SUN1: variants seen among roughly 807,000 people sequenced by gnomAD.
SUN1 encodes SUN domain-containing protein 1.
Under a neutral mutation model 103.2 loss-of-function variants are expected in SUN1, and 61 were observed. That is an observed-to-expected ratio of 0.59 (90% CI 0.48 to 0.73). SUN1 has a LOEUF of 0.73. Among genes scored for constraint, SUN1 ranks in the 30% least tolerant of loss-of-function variants. The probability of loss-of-function intolerance (pLI) is 0.00; values close to 1 mark genes in which losing one functional copy is unlikely to be tolerated. For missense variants in SUN1, 1,052 were observed against 1,034.6 expected, an observed-to-expected ratio of 1.02 and a Z score of -0.23; for synonymous variants, 490 against 425.7, an observed-to-expected ratio of 1.15 and a Z score of -1.86.
intron 5 of SUN1, among the ~76,000 whole-genome samples, chr7:845,984 T>C (rs1334911631): frequency 6.6e-6 from 1 of 152,216 alleles, no homozygotes; most frequent in African/African-American, 2.4e-5. Context: ...CCTGCAGGAC[T>C]GTGCAGTTCT....
At chr7:867,761 G>A (rs1838179886) in intron 16 of SUN1, among the ~76,000 whole-genome samples, 1 of 152,212 alleles carries the variant, frequency 6.6e-6, no homozygotes, top group Non-Finnish European at 1.5e-5. Flanking sequence ...TCCCACCCCA[G>A]GACCAAGGTG....
rs529850001 is a variant in SUN1, at chr7:818,679, C to T, written c.-74+2006C>T. On this transcript the variant is annotated intron_variant, in intron 1 of 17. Coordinates refer to the SUN1 transcript ENST00000389574. ...CATTGGCAACAAGTGAGTTCACTTT[C>T]TCCACATCCCCCCAACACTTAGTTT... is the stretch of plus-strand genomic sequence containing the variant. 2.6e-5 allele frequency among the ~76,000 whole-genome samples: 4 copies of T among 152,322 alleles called. No individual in the cohort carries two copies. In the South Asian group the frequency reaches 8.3e-4, roughly 32 times the overall value.
intron 1 of SUN1, among the ~76,000 whole-genome samples, chr7:819,734 A>G (rs1347145607): frequency 7.7e-6 from 1 of 130,658 alleles, no homozygotes; most frequent in South Asian, 2.3e-4. Context: ...TTTGAGATGG[A>G]ATCTTGCCCT....
At chr7:839,027 C>T (rs551648196) in intron 2 of SUN1, 41 bp downstream of exon 2, 4 of 1,469,788 alleles carry the variant, frequency 2.7e-6, no homozygotes, top group Non-Finnish European at 3.6e-6. Context: ...ATCTCTAACA[C>T]CAGTTAAAAC....
chr7:851,082 G>A (rs1458611804), intron 5 of SUN1: 6 of 216,198 alleles, frequency 2.8e-5, no homozygotes, highest in Non-Finnish European at 4.7e-5. Context: ...TTTGTAGGGC[G>A]GCTTCCAACC....
At chr7:816,643 A>T (rs776366465) in exon 1 of SUN1, 3 of 319,760 alleles carry the variant, frequency 9.4e-6, no homozygotes, top group South Asian at 6.7e-5. Flanking sequence ...TGGGCGGCGC[A>T]GACGAGGCCT....
chr7:832,694 C>T lies in SUN1; in HGVS notation c.77+93C>T, dbSNP rs371221487. The T allele has an allele frequency of 1.8e-4, 163 of 897,848 alleles. 3 individuals carry two copies. The East Asian group carries it at 2.5e-3, about 14-fold the overall frequency. 55.6% of individuals were successfully genotyped at this position (897,848 alleles called of 1,614,324 possible). A position where few individuals can be genotyped will look rare whatever the true frequency, so the allele number is the denominator to read the frequency against. The stretch of plus-strand genomic sequence containing the variant: ...CTTAACAGGAACTCCATAGTACTAC[C>T]GACTACATGCTGTATTTTGAAGGTG... On this transcript the variant is annotated intron_variant, in intron 1 of 18. Transcript: ENST00000401592.
chr7:847,491 C>T, intron 5 of SUN1, among the ~76,000 whole-genome samples: 1 of 106,088 alleles, frequency 9.4e-6, no homozygotes, highest in South Asian at 3.4e-4. Context: ...GGTTACCCCA[C>T]AGCGCCGTGC....
At position 873,015 on chromosome 7, in the gene SUN1, A is replaced by G. The variant is rs11772074; in HGVS notation, c.2242-200A>G. On this transcript the variant is annotated intron_variant, in intron 18 of 18. Coordinates refer to ENST00000401592, the MANE Select transcript of SUN1 (RefSeq NM_001130965.3). ...GGCAGGAGAATCGCTTGAGCCCGGG[A>G]GGTGGAGCTTGCAGTGAGCTGAGAT... Among the ~76,000 whole-genome samples, 6,949 of 152,246 alleles carry G rather than the reference A, an allele frequency of 0.046. 175 individuals are homozygous for G. The highest frequency in any genetic ancestry group is 0.055 in the African/African-American group (2,302 of 41,550).
At chr7:852,173 A>T in intron 7 of SUN1, 130 bp downstream of exon 7, 1 of 857,260 alleles carries the variant, frequency 1.2e-6, no homozygotes, top group Non-Finnish European at 1.8e-6. Context: ...ATATTTTACA[A>T]AAGTGCTTTT....
intron 16 of SUN1, 76 bp from the exon 17 acceptor site, chr7:869,271 TCA>T (rs749242136): frequency 6.7e-7 from 1 of 1,498,618 alleles, no homozygotes; most frequent in Non-Finnish European, 9.0e-7. Context: ...CTCAGTATAA[TCA>T]GTCTTTCCTC....
intron 15 of SUN1, 70 bp downstream of exon 15, chr7:861,534 C>A: frequency 6.7e-7 from 1 of 1,488,924 alleles, no homozygotes; most frequent in Non-Finnish European, 9.4e-7. Flanking sequence ...ACTTGAGAGG[C>A]TGTTGCCTAC....
chr7:852,826 G>A lies in SUN1; in HGVS notation c.927G>A (p.Arg309=). Reference sequence around the variant, plus strand: ...CTCTTTTAGCAGGTCTCTCCTTACGGGGCCAGGGCAATTTCTTTTCGTTCT... The same window carrying A: ...CTCTTTTAGCAGGTCTCTCCTTACGAGGCCAGGGCAATTTCTTTTCGTTCT... The part of the protein sequence containing the change: ...LFLLLAGLSL[R]GQGNFFSFLP... The change falls in exon 9 of 19, where the codon CGG becomes CGA. Residue 309 remains arginine, a synonymous_variant. Transcript: ENST00000401592. 2 of 1,613,342 alleles carry A rather than the reference G, an allele frequency of 1.2e-6. No individual in the cohort carries two copies. Among genetic ancestry groups the A allele is most frequent in the South Asian group, 2.2e-5 (2 of 90,996 alleles).
At chr7:827,676 C>T (rs1475709290), upstream of SUN1, among the ~76,000 whole-genome samples, 1 of 151,628 alleles carries the variant, frequency 6.6e-6, no homozygotes, top group Non-Finnish European at 1.5e-5. Flanking sequence ...TCACCATTCA[C>T]AGGATGGTCT....
chr7:843,419 G>A lies in SUN1; in HGVS notation c.557G>A (p.Ser186Asn). The change falls in exon 5 of 19, where the codon AGC (serine) becomes AAC (asparagine). Residue 186 changes from serine to asparagine, a missense_variant. Physicochemically the swap from Ser to Asn is conservative, Grantham distance 46. Transcript: ENST00000401592. ...ACCGCGCACAACGGCTTCTCCTGCA[G>A]CAACTGCAGCATGCTGTCCGAGCGC... is the stretch of plus-strand genomic sequence containing the variant. Reference protein sequence around the residue: ...AATAHNGFSCSNCSMLSERKD... With the variant: ...AATAHNGFSCNNCSMLSERKD... 1.9e-6 allele frequency: 3 copies of A among 1,613,838 alleles called. No homozygotes were observed. The highest frequency in any genetic ancestry group is 2.5e-6 in the Non-Finnish European group (3 of 1,179,768).
intron 17 of SUN1, among the ~76,000 whole-genome samples, chr7:869,923 T>C (rs1585326773): frequency 6.6e-6 from 1 of 151,422 alleles, no homozygotes; most frequent in East Asian, 1.9e-4. Context: ...CTTTAAAAAA[T>C]ACAGTTGAGC....
chr7:850,315 C>T (rs886309424), intron 5 of SUN1: 16 of 398,164 alleles, frequency 4.0e-5, no homozygotes, highest in Middle Eastern at 7.6e-4. Flanking sequence ...TCTCCTGCCA[C>T]AGCCTCCTGA....
intron 1 of SUN1, among the ~76,000 whole-genome samples, chr7:818,875 T>C (rs1783352942): frequency 6.6e-6 from 1 of 152,016 alleles, no homozygotes. Context: ...CCCCCCTTTT[T>C]TTTTTTGAGA....
At chr7:840,674 C>T (rs561117096) in intron 2 of SUN1, among the ~76,000 whole-genome samples, 3 of 141,338 alleles carry the variant, frequency 2.1e-5, no homozygotes, top group Non-Finnish European at 4.5e-5. Context: ...CGGAGTCTCA[C>T]TCTGTCTCCC....
Sources: gnomAD v4.1 joint callset for allele counts (sites outside exome capture counted in the v4.1 genomes callset) on GRCh38, gnomAD v4.1.1 for gene constraint, MANE v1.5 for transcripts, NCBI Gene and HGNC (gene_info 2026-07-23, HGNC 2026-07-21) for gene names.